Variants in BPHL observed in about 807,000 individuals in gnomAD.
The protein encoded by BPHL is serine hydrolase BPHL.
In BPHL, 27 loss-of-function variants were observed where a neutral mutation model predicts 31.2. That is an observed-to-expected ratio of 0.87 (90% confidence interval 0.64 to 1.19). The LOEUF is 1.19. BPHL is among the 50% of genes most tolerant of loss of function. The pLI is 0.00. For synonymous variants in BPHL, 150 were observed against 146.8 expected, an observed-to-expected ratio of 1.02 and a Z score of -0.16; for missense variants, 356 against 375.7, an observed-to-expected ratio of 0.95 and a Z score of 0.43.
At chr6:3,134,196 C>T (rs17136211) in intron 4 of BPHL, among the ~76,000 whole-genome samples, 2,801 of 152,176 alleles carry the variant, frequency 0.018, 66 homozygotes, top group East Asian at 0.077. Flanking sequence ...TTTGGGTATA[C>T]AGTATGAAAT....
intron 1 of BPHL, among the ~76,000 whole-genome samples, chr6:3,122,497 A>G (rs1237759515): frequency 2.0e-5 from 3 of 152,144 alleles, no homozygotes; most frequent in Non-Finnish European, 4.4e-5. Flanking sequence ...CCACTGGTAT[A>G]TATCCCAGGA....
chr6:3,151,636 T>C (rs1260205176), intron 6 of BPHL, among the ~76,000 whole-genome samples: 2 of 152,260 alleles, frequency 1.3e-5, no homozygotes, highest in East Asian at 1.9e-4. Flanking sequence ...CCTTTTAATG[T>C]CTAATTATCA....
chr6:3,140,495 C>T lies in BPHL; in HGVS notation c.774C>T (p.His258=), dbSNP rs773363591. ...TTCATGCCGACTTCATTCATAAGCA[C>T]GTGAAAGGCTCACGGTAAGTCCTGT... ...PRFHADFIHK[H]VKGSRLHLMP... is the part of the protein sequence containing the mutation. The change falls in exon 6 of 7, where the codon CAC becomes CAT. Residue 258 remains histidine, a synonymous_variant. Coordinates refer to ENST00000380379, the MANE Select transcript of BPHL (RefSeq NM_004332.4). This position sits in a 1 kb window ranked among gnomAD's most constrained non-coding sequence, Gnocchi z 5.2. 22 of 1,613,970 alleles carry T rather than the reference C, an allele frequency of 1.4e-5. No individual in the cohort carries two copies. The highest frequency in any genetic ancestry group is 8.0e-5 in the African/African-American group (6 of 74,898).
rs970033856 is a variant in BPHL, at chr6:3,149,234, C to T, written c.789-3254C>T. Among the ~76,000 whole-genome samples, 2 of 152,138 alleles carry T rather than the reference C, an allele frequency of 1.3e-5. No individual in the cohort carries two copies. The highest frequency in any genetic ancestry group is 2.9e-5 in the Non-Finnish European group (2 of 68,030). On this transcript the variant is annotated intron_variant, in intron 6 of 6. Coordinates refer to ENST00000380379, the MANE Select transcript of BPHL (RefSeq NM_004332.4). This position sits in a 1 kb window ranked among gnomAD's most constrained non-coding sequence, Gnocchi z 4.6. ...CCGTAAAGCCAGTGTTTTCCTCCCA[C>T]GATGATGCCTCCAGTTTACATCCAA...
In BPHL at chr6:3,119,894, A is replaced by G. The variant is rs548613162; in HGVS notation, c.107+1047A>G. Among the ~76,000 whole-genome samples, 17 of 152,352 alleles carry G rather than the reference A, an allele frequency of 1.1e-4. No individual in the cohort carries two copies. In the South Asian group the frequency reaches 2.9e-3, roughly 26 times the overall value. ...TAGCTCCTTTAATTTTAGAATTATT[A>G]TAAGATGGTCAGGGCTATTTTGATA... is the stretch of plus-strand genomic sequence containing the variant. On this transcript the variant is annotated intron_variant, in intron 1 of 6. Transcript: ENST00000380379.
chr6:3,143,891 C>T lies in BPHL; in HGVS notation c.788+3382C>T, dbSNP rs1365058475. ...ACTCGACTGCAAACGATGAGTCCCTCGCCTCTCGCCTGCGGCCCTTCTCCA... is the reference window on the plus strand; with the variant it reads ...ACTCGACTGCAAACGATGAGTCCCTTGCCTCTCGCCTGCGGCCCTTCTCCA... On this transcript the variant is annotated intron_variant, in intron 6 of 6. Coordinates refer to ENST00000380379, the MANE Select transcript of BPHL (RefSeq NM_004332.4). Among the ~76,000 whole-genome samples, 3 of 152,300 alleles carry T rather than the reference C, an allele frequency of 2.0e-5. No individual in the cohort carries two copies. In the East Asian group the frequency reaches 5.8e-4, roughly 29 times the overall value.
chr6:3,121,538 C>G (rs976518199), intron 1 of BPHL, among the ~76,000 whole-genome samples: 1 of 151,892 alleles, frequency 6.6e-6, no homozygotes, highest in African/African-American at 2.4e-5. Flanking sequence ...CTCCTGACCT[C>G]GTGATCCTGA....
intron 6 of BPHL, among the ~76,000 whole-genome samples, chr6:3,144,391 G>GTTTTTTTTT (rs796426507): frequency 1.5e-5 from 2 of 130,294 alleles, no homozygotes; most frequent in Admixed American, 8.2e-5. Flanking sequence ...TTTTTTTTTT[G>GTTTTTTTTT]TTTTTTTTTT....
intron 5 of BPHL, chr6:3,139,988 G>A (rs181533583): frequency 8.8e-4 from 159 of 181,610 alleles, no homozygotes; most frequent in African/African-American, 3.5e-3. Context: ...AGGGCTGGCC[G>A]GGGCCCCTAC....
Position 3,118,730 on chromosome 6 carries a change from G to T in BPHL, c.-11G>T. ...GCATGCGCACTCCCGGCAGCTACGC[G>T]ACCTGTGACCATGGTGGCTGTGCTG... On this transcript the variant is annotated 5_prime_UTR_variant, in exon 1 of 7. Transcript: ENST00000380379. 1 of 1,258,080 alleles carries T rather than the reference G, an allele frequency of 7.9e-7. No individual in the cohort carries two copies. The highest frequency in any genetic ancestry group is 1.0e-6 in the Non-Finnish European group (1 of 997,396). 77.9% of individuals were successfully genotyped at this position (1,258,080 alleles called of 1,614,324 possible). A position where few individuals can be genotyped will look rare whatever the true frequency, so the allele number is the denominator to read the frequency against.
At chr6:3,129,322 T>C in intron 4 of BPHL, 124 bp downstream of exon 4, 11 of 1,259,222 alleles carry the variant, frequency 8.7e-6, no homozygotes, top group Non-Finnish European at 1.2e-5. Flanking sequence ...AACTCTCAGG[T>C]AGGAAGAATA....
At chr6:3,139,084 G>A (rs997981671) in intron 5 of BPHL, 1 of 152,172 alleles carries the variant, frequency 6.6e-6, no homozygotes, top group East Asian at 1.9e-4. Context: ...TCCCCGGCTT[G>A]CTGTTAGAAT....
intron 2 of BPHL, among the ~76,000 whole-genome samples, chr6:3,126,177 T>C (rs1429604345): frequency 6.6e-6 from 1 of 152,214 alleles, no homozygotes; most frequent in African/African-American, 2.4e-5. Context: ...TCAGTGTTTT[T>C]GTTTAGTTTT....
chr6:3,146,708 GGAGTGCTGGTTTGGGTT>G (rs1762388152), intron 6 of BPHL, among the ~76,000 whole-genome samples: 1 of 144,218 alleles, frequency 6.9e-6, no homozygotes, highest in Non-Finnish European at 1.5e-5. Flanking sequence ...GATTTGGGTC[GGAGTGCTGGTTTGGGTT>G]GAGTGCTGGT....
At chr6:3,120,282 G>T (rs1482783432) in intron 1 of BPHL, among the ~76,000 whole-genome samples, 1 of 152,050 alleles carries the variant, frequency 6.6e-6, no homozygotes, top group East Asian at 1.9e-4. Flanking sequence ...TGATCCACCT[G>T]CCTCAGCCTC....
chr6:3,137,224 C>T (rs765874512), intron 4 of BPHL, 138 bp from the exon 5 acceptor site: 133 of 1,142,964 alleles, frequency 1.2e-4, no homozygotes, highest in Non-Finnish European at 1.6e-4. Context: ...CTAAGCCGAG[C>T]AGAGGGAGGG....
In BPHL at chr6:3,140,371, C is replaced by T. The variant is rs371276668; in HGVS notation, c.665-15C>T. 3 of 1,613,934 alleles carry T rather than the reference C, an allele frequency of 1.9e-6. No homozygotes were observed. The highest frequency in any genetic ancestry group is 2.5e-6 in the Non-Finnish European group (3 of 1,179,990). Reference sequence around the variant, plus strand: ...GTTGCACTAAAGCAGATTCCTCGTGCTGTGTATCCGTCAGGTAACATCTGC... The same window carrying T: ...GTTGCACTAAAGCAGATTCCTCGTGTTGTGTATCCGTCAGGTAACATCTGC... On this transcript the variant is annotated splice_polypyrimidine_tract_variant and intron_variant, in intron 5 of 6. Coordinates refer to ENST00000380379, the MANE Select transcript of BPHL (RefSeq NM_004332.4). The surrounding 1 kb of genome is among the most constrained non-coding windows in gnomAD (Gnocchi z 5.2).
At chr6:3,134,438 CTTT>C (rs554446648) in intron 4 of BPHL, among the ~76,000 whole-genome samples, 10 of 132,540 alleles carry the variant, frequency 7.5e-5, no homozygotes, top group Non-Finnish European at 1.3e-4. Flanking sequence ...CTTTTCTTTC[CTTT>C]TTTTTTTTTT....
At chr6:3,147,726 G>C (rs1320443180) in intron 6 of BPHL, among the ~76,000 whole-genome samples, 1 of 152,164 alleles carries the variant, frequency 6.6e-6, no homozygotes, top group East Asian at 1.9e-4. Context: ...AAGTCCCAAG[G>C]TCTGCAGAGT....
Sources: allele counts gnomAD v4.1 joint callset (sites outside exome capture counted in the v4.1 genomes callset), GRCh38; gene constraint gnomAD v4.1.1; non-coding constraint Gnocchi (gnomAD v3.1); transcripts MANE v1.5; gene names NCBI Gene and HGNC (gene_info 2026-07-23, HGNC 2026-07-21).